The following ASCC1 variants were observed in gnomAD, a reference collection of about 807,000 sequenced individuals.
ASCC1 encodes the protein activating signal cointegrator 1 complex subunit 1.
ASCC1 carries 35 observed loss-of-function variants against 46.6 expected under a neutral mutation model. The ratio of observed to expected loss-of-function variants is 0.75; its 90% CI spans 0.57 to 0.99. ASCC1 has a LOEUF of 0.99. Among genes scored for constraint, ASCC1 ranks in the 50% least tolerant of loss-of-function variants. ASCC1 has a pLI of 0.00. For synonymous variants in ASCC1, 143 were observed against 146.6 expected (o/e 0.98, Z 0.18); for missense variants, 376 against 428.7 (o/e 0.88, Z 1.09).
chr10:72,132,891 T>C (rs1162163686), intron 8 of ASCC1, among the ~76,000 whole-genome samples, 166 bp downstream of exon 8: 6 of 152,178 alleles, frequency 3.9e-5, no homozygotes, highest in African/African-American at 1.4e-4. Flanking sequence ...CACAGTTCCA[T>C]GCTATATATG....
intron 7 of ASCC1, among the ~76,000 whole-genome samples, chr10:72,139,169 A>G (rs1485874488): frequency 1.4e-5 from 2 of 140,656 alleles, no homozygotes; most frequent in Non-Finnish European, 3.0e-5. Flanking sequence ...TCTGGAGTGC[A>G]GTGGCACAAT....
chr10:72,191,796 G>T (rs993759695), intron 5 of ASCC1, among the ~76,000 whole-genome samples: 1 of 151,638 alleles, frequency 6.6e-6, no homozygotes, highest in Non-Finnish European at 1.5e-5. Flanking sequence ...ACAGGTGCCC[G>T]CCACCATGCC....
chr10:72,166,962 A>C (rs1045616583), intron 5 of ASCC1, among the ~76,000 whole-genome samples: 1 of 151,694 alleles, frequency 6.6e-6, no homozygotes, highest in African/African-American at 2.4e-5. Context: ...ATATGGAAAA[A>C]CCGAGCAGCC....
chr10:72,154,800 G>A (rs1416267846), intron 6 of ASCC1, among the ~76,000 whole-genome samples: 1 of 152,110 alleles, frequency 6.6e-6, no homozygotes, highest in Non-Finnish European at 1.5e-5. Flanking sequence ...CCTATGCATA[G>A]GGTTTTAAAT....
At chr10:72,179,261 A>C (rs1852249297) in intron 5 of ASCC1, among the ~76,000 whole-genome samples, 1 of 152,114 alleles carries the variant, frequency 6.6e-6, no homozygotes, top group South Asian at 2.1e-4. Context: ...TTGGCCTCCC[A>C]AAGTGATGGG....
In ASCC1 at chr10:72,216,266, C is replaced by A. The variant is rs1589694284; in HGVS notation, c.-93G>T. Reference sequence around the variant, plus strand: ...AGAAACAGGAGACTGCTGCAGCAGACGTGCGATAGGAAATTTCCCCAGGCC... The same window carrying A: ...AGAAACAGGAGACTGCTGCAGCAGAAGTGCGATAGGAAATTTCCCCAGGCC... On this transcript the variant is annotated 5_prime_UTR_variant, in exon 1 of 10. Transcript: ENST00000672957. The A allele has an allele frequency of 6.3e-6, 1 of 158,654 alleles. No individual in the cohort carries two copies. The highest frequency in any genetic ancestry group is 1.4e-5 in the Non-Finnish European group (1 of 71,632). The allele number at this position is 158,654 out of a possible 1,614,324, so 9.8% of individuals were successfully genotyped here. A position where few individuals can be genotyped will look rare whatever the true frequency, so the allele number is the denominator to read the frequency against.
At chr10:72,188,556 G>A (rs1853867528) in intron 5 of ASCC1, among the ~76,000 whole-genome samples, 1 of 152,128 alleles carries the variant, frequency 6.6e-6, no homozygotes, top group African/African-American at 2.4e-5. Context: ...GGGAAGTAAG[G>A]AAGGAAAGAA....
Position 72,166,373 on chromosome 10 carries a change from C to A in ASCC1, c.490-4699G>T, listed in dbSNP as rs546171679. ...ATCTCAGCACTTTGGGAAGCCAAAG[C>A]GGAAGGATCGCTTGAGGCCAGGAGT... On this transcript the variant is annotated intron_variant, in intron 5 of 9. Coordinates refer to ENST00000672957, the MANE Select transcript of ASCC1 (RefSeq NM_001198800.3). 2.0e-5 allele frequency among the ~76,000 whole-genome samples: 3 copies of A among 152,088 alleles called. No individual in the cohort carries two copies. In the East Asian group the frequency reaches 5.8e-4, roughly 29 times the overall value.
chr10:72,132,715 C>T (rs887616762), intron 8 of ASCC1, among the ~76,000 whole-genome samples: 4 of 151,574 alleles, frequency 2.6e-5, no homozygotes. Context: ...GCTCACCTTC[C>T]TTTCTTTTTT....
chr10:72,113,212 G>A (rs1395413137), intron 9 of ASCC1, among the ~76,000 whole-genome samples: 2 of 152,262 alleles, frequency 1.3e-5, no homozygotes, highest in Non-Finnish European at 2.9e-5. Flanking sequence ...TTTAAGAAAG[G>A]TAATGCTAAC....
intron 3 of ASCC1, chr10:72,204,447 G>T: frequency 6.5e-7 from 1 of 1,550,326 alleles, no homozygotes; most frequent in South Asian, 1.2e-5. Flanking sequence ...TAAATATTCT[G>T]ACAATCCAAA....
At chr10:72,187,576 C>T (rs1014239796) in intron 5 of ASCC1, among the ~76,000 whole-genome samples, 1 of 151,974 alleles carries the variant, frequency 6.6e-6, no homozygotes, top group Non-Finnish European at 1.5e-5. Context: ...AAAAATTAGC[C>T]GGGCACAGTG....
At chr10:72,170,405 C>G (rs1850918631) in intron 5 of ASCC1, among the ~76,000 whole-genome samples, 1 of 151,768 alleles carries the variant, frequency 6.6e-6, no homozygotes, top group African/African-American at 2.4e-5. Context: ...TGAGGAAATG[C>G]CAGACAGATC....
chr10:72,163,953 ATTTACTT>A (rs1325670409), intron 5 of ASCC1, among the ~76,000 whole-genome samples: 1 of 151,858 alleles, frequency 6.6e-6, no homozygotes, highest in African/African-American at 2.4e-5. Flanking sequence ...CCATTTATTT[ATTTACTT>A]TATATTTATT....
At chr10:72,128,905 A>G (rs1845217331) in intron 8 of ASCC1, among the ~76,000 whole-genome samples, 1 of 152,236 alleles carries the variant, frequency 6.6e-6, no homozygotes, top group Non-Finnish European at 1.5e-5. Flanking sequence ...AGTCCAGAGT[A>G]CAAAAAATTC....
chr10:72,187,218 T>C (rs1853590617), intron 5 of ASCC1, among the ~76,000 whole-genome samples: 1 of 152,240 alleles, frequency 6.6e-6, no homozygotes, highest in Admixed American at 6.5e-5. Context: ...GATTTTCTGA[T>C]GGTTCAGTGA....
chr10:72,171,466 G>A (rs542870567), intron 5 of ASCC1, among the ~76,000 whole-genome samples: 4 of 150,346 alleles, frequency 2.7e-5, no homozygotes, highest in Non-Finnish European at 3.0e-5. Flanking sequence ...TTGCTCTGTC[G>A]CCCAGGCTGG....
intron 7 of ASCC1, among the ~76,000 whole-genome samples, chr10:72,135,454 C>G (rs1413260263): frequency 2.6e-5 from 4 of 152,148 alleles, no homozygotes; most frequent in Non-Finnish European, 1.5e-5. Flanking sequence ...AGAGAGGAAA[C>G]AGCAAATACG....
chr10:72,191,827 T>C (rs1854556172), intron 5 of ASCC1, among the ~76,000 whole-genome samples: 1 of 151,880 alleles, frequency 6.6e-6, no homozygotes, highest in Non-Finnish European at 1.5e-5. Context: ...TTTGTATTTT[T>C]AGTAGAGACG....
Sources: allele counts gnomAD v4.1 joint callset (sites outside exome capture counted in the v4.1 genomes callset), GRCh38; gene constraint gnomAD v4.1.1; transcripts MANE v1.5; gene names NCBI Gene and HGNC (gene_info 2026-07-23, HGNC 2026-07-21).